MYOF: variants seen among roughly 807,000 people sequenced by gnomAD.
MYOF encodes fer-1-like 3, myoferlin.
MYOF carries 244 observed loss-of-function variants against 284.2 expected under a neutral mutation model. The ratio of observed to expected loss-of-function variants is 0.86; its 90% confidence interval spans 0.77 to 0.95. The LOEUF (loss-of-function observed/expected upper bound fraction) is 0.95. MYOF is among the 40% of genes least tolerant of loss of function. The pLI is 0.00. For missense variants in MYOF, 2,496 were observed against 2,560.6 expected (o/e 0.97, Z 0.54); for synonymous variants, 904 against 919.7 (o/e 0.98, Z 0.31).
rs908026442 is a variant in MYOF, at chr10:93,306,595, A to T, written c.*368T>A. 5 of 219,550 alleles carry T rather than the reference A, an allele frequency of 2.3e-5. No individual in the cohort carries two copies. In the Admixed American group the frequency reaches 2.4e-4, roughly 10 times the overall value. 13.6% of individuals were successfully genotyped at this position (219,550 alleles called of 1,614,324 possible). On this transcript the variant is annotated 3_prime_UTR_variant, in exon 54 of 54. Transcript: ENST00000359263. ...TCAGTTGATTACAAATATGAAGTAT[A>T]TCACCTCAGGATGCAGAGATTTTTG...
chr10:93,409,675 G>A lies in MYOF; in HGVS notation c.498C>T (p.Pro166=). 1 of 1,614,158 alleles carries A rather than the reference G, an allele frequency of 6.2e-7. No homozygotes were observed. Among genetic ancestry groups the A allele is most frequent in the Non-Finnish European group, 8.5e-7 (1 of 1,180,030 alleles). Residue 166 remains proline, a synonymous_variant, in exon 6 of 54, where the codon CCC becomes CCT. Transcript: ENST00000359263. ...RLDNAVRGPG[P]KGPVGTVSEA... ...CCGACACCGTCCCAACTGGCCCCTT[G>A]GGCCCAGGGCCCCTGACTGCATTGT...
At chr10:93,338,510 G>A (rs1843717349) in intron 39 of MYOF, 3 of 456,688 alleles carry the variant, frequency 6.6e-6, no homozygotes, top group Non-Finnish European at 1.3e-5. Flanking sequence ...GCATTCACAT[G>A]CTGCCTTCAT....
At chr10:93,477,479 C>T (rs1241239775) in intron 1 of MYOF, among the ~76,000 whole-genome samples, 5 of 68,054 alleles carry the variant, frequency 7.3e-5, no homozygotes, top group African/African-American at 1.3e-4. Flanking sequence ...GCAACAAGAG[C>T]GAAACTCTGT....
intron 19 of MYOF, among the ~76,000 whole-genome samples, chr10:93,384,596 G>A (rs1256161380): frequency 1.3e-5 from 2 of 150,512 alleles, no homozygotes; most frequent in Non-Finnish European, 2.9e-5. Flanking sequence ...GTGAGCCAAG[G>A]TCACACCATT....
chr10:93,482,298 G>T lies in MYOF; in HGVS notation c.-104C>A. 9.9e-7 allele frequency: 1 copy of T among 1,009,732 alleles called. No homozygotes were observed. Among genetic ancestry groups the T allele is most frequent in the Non-Finnish European group, 1.5e-6 (1 of 666,432 alleles). 62.5% of individuals were successfully genotyped at this position (1,009,732 alleles called of 1,614,324 possible). ...GGGAGAGAAGTTCTCTCCCAGTGAA[G>T]GGAGGATTTCTCCCAGGGCAAGGAA... On this transcript the variant is annotated 5_prime_UTR_variant, in exon 1 of 54. Transcript: ENST00000359263.
Position 93,359,861 on chromosome 10 carries a change from A to G in MYOF, c.3092T>C (p.Leu1031Ser), listed in dbSNP as rs573857080. 3 of 1,614,094 alleles carry G rather than the reference A, an allele frequency of 1.9e-6. 1 individual carries two copies. In the South Asian group the frequency reaches 3.3e-5, roughly 18 times the overall value. The change falls in exon 29 of 54, where the codon TTA (leucine) becomes TCA (serine). Residue 1031 changes from leucine to serine, a missense_variant. By Grantham distance (145) the Leu-to-Ser change is moderately radical. Transcript: ENST00000359263. ...RRLVRKRKKD[L>S]TQTASSTARA... ...TGCGGTGCTTGAAGCAGTCTGTGTT[A>G]AATCTTTCTTGCGTTTTCGGACCAG... is the stretch of plus-strand genomic sequence containing the variant.
chr10:93,413,593 A>G (rs1182163229), intron 5 of MYOF, among the ~76,000 whole-genome samples: 4 of 152,250 alleles, frequency 2.6e-5, no homozygotes, highest in African/African-American at 9.6e-5. Context: ...AGAGGGCCAC[A>G]CCAAGTCAGG....
chr10:93,412,205 C>T (rs1057033235), intron 5 of MYOF, among the ~76,000 whole-genome samples: 3 of 152,312 alleles, frequency 2.0e-5, no homozygotes, highest in African/African-American at 4.8e-5. Context: ...TTCACACTGC[C>T]TCTCTGGTAT....
intron 2 of MYOF, among the ~76,000 whole-genome samples, chr10:93,454,986 TTAAAAAAAAAA>T (rs1330771272): frequency 3.5e-5 from 3 of 84,586 alleles, no homozygotes; most frequent in Admixed American, 1.4e-4. Flanking sequence ...CTTTTTTTAA[TTAAAAAAAAAA>T]AAAAAAAAAA....
chr10:93,404,042 C>A lies in MYOF; in HGVS notation c.824G>T (p.Cys275Phe). 6.2e-7 allele frequency: 1 copy of A among 1,614,102 alleles called. No homozygotes were observed. The highest frequency in any genetic ancestry group is 8.5e-7 in the Non-Finnish European group (1 of 1,179,988). ...ACTCACCTTAAATTCCCCCATCAGA[C>A]AATCTGCCCGCAGAGAGTGAGAATT... ...VYNSHSLRAD[C>F]LMGEFKIDVG... Residue 275 changes from cysteine (C) to phenylalanine (F), a missense_variant, in exon 9 of 54, where the codon TGT becomes TTT. Coordinates refer to ENST00000359263, the MANE Select transcript of MYOF (RefSeq NM_013451.4).
At chr10:93,380,231 T>C (rs1344428851) in intron 20 of MYOF, among the ~76,000 whole-genome samples, 4 of 152,152 alleles carry the variant, frequency 2.6e-5, no homozygotes, top group Non-Finnish European at 2.9e-5. Context: ...CTCAGGATCG[T>C]TTAGTGATTC....
At chr10:93,420,323 CT>C (rs1028011480) in intron 5 of MYOF, among the ~76,000 whole-genome samples, 1 of 152,180 alleles carries the variant, frequency 6.6e-6, no homozygotes, top group Non-Finnish European at 1.5e-5. Context: ...AGACTGACAT[CT>C]GGCGAATTAA....
At chr10:93,480,983 A>C (rs2057374097) in intron 1 of MYOF, among the ~76,000 whole-genome samples, 1 of 151,934 alleles carries the variant, frequency 6.6e-6, no homozygotes, top group South Asian at 2.1e-4. Flanking sequence ...CCATGCTCCC[A>C]CTCTCTCTGC....
At chr10:93,446,009 TA>T (rs11442920) in intron 3 of MYOF, among the ~76,000 whole-genome samples, 163 of 148,762 alleles carry the variant, frequency 1.1e-3, no homozygotes, top group African/African-American at 2.8e-3. Context: ...CCCAGATGGT[TA>T]AAAAAAAAAA....
chr10:93,473,379 A>G (rs1010460993), intron 1 of MYOF, among the ~76,000 whole-genome samples: 47 of 152,148 alleles, frequency 3.1e-4, no homozygotes, highest in African/African-American at 1.0e-3. Flanking sequence ...AACCAAGGCA[A>G]TTGGTGTTTT....
In MYOF at chr10:93,333,800, A is replaced by AATGTAAATCCTAACC. The variant is rs1474717252; in HGVS notation, c.4662_4676dup (p.Tyr1558_Ile1559insMetValArgIleTyr). ...GGGGCTGGAGCTCTAAGCCTCGAAC[A>AATGTAAATCCTAACC]ATGTAAATCCTAACCGTGCATTCCT... On this transcript the variant is annotated inframe_insertion, in exon 42 of 54. Coordinates refer to ENST00000359263, the MANE Select transcript of MYOF (RefSeq NM_013451.4). 6.2e-6 allele frequency: 10 copies of AATGTAAATCCTAACC among 1,614,050 alleles called. No homozygotes were observed. The highest frequency in any genetic ancestry group is 8.5e-6 in the Non-Finnish European group (10 of 1,180,036).
chr10:93,359,289 A>G (rs1432712633), intron 29 of MYOF, among the ~76,000 whole-genome samples: 1 of 152,226 alleles, frequency 6.6e-6, no homozygotes, highest in African/African-American at 2.4e-5. Context: ...CATACTCAGT[A>G]CCTAGCATTA....
At chr10:93,338,538 C>A in intron 39 of MYOF, 1 of 455,902 alleles carries the variant, frequency 2.2e-6, no homozygotes, top group Non-Finnish European at 4.4e-6. Flanking sequence ...CCTCCATGTA[C>A]CTCCAAAAGT....
chr10:93,410,919 G>A (rs373902136), intron 5 of MYOF, among the ~76,000 whole-genome samples: 3 of 152,160 alleles, frequency 2.0e-5, no homozygotes, highest in African/African-American at 4.8e-5. Context: ...CTGAAGCCAC[G>A]TGGCCTAGGC....
Sources: allele counts gnomAD v4.1 joint callset (sites outside exome capture counted in the v4.1 genomes callset), GRCh38; gene constraint gnomAD v4.1.1; transcripts MANE v1.5; gene names NCBI Gene and HGNC (gene_info 2026-07-23, HGNC 2026-07-21).